Variants in NTN1 observed in about 807,000 individuals in gnomAD.
NTN1 encodes netrin 1.
Under a neutral mutation model 54.2 loss-of-function variants are expected in NTN1, and 11 were observed. That is an observed-to-expected ratio of 0.20 (90% CI 0.13 to 0.34). NTN1 has a LOEUF of 0.34. Ranked by LOEUF, NTN1 falls within the 10% of genes least tolerant of loss-of-function variation. The pLI is 1.00. For synonymous variants in NTN1, 371 were observed against 382.0 expected (o/e 0.97, Z 0.33); for missense variants, 740 against 893.1 (o/e 0.83, Z 2.18).
intron 6 of NTN1, among the ~76,000 whole-genome samples, chr17:9,236,127 G>C (rs1054268007): frequency 1.9e-5 from 2 of 103,696 alleles, no homozygotes; most frequent in African/African-American, 5.7e-5. Context: ...AAGAATTTGG[G>C]GGGGGGGGTA....
At chr17:9,024,666 G>A (rs997595231) in intron 2 of NTN1, among the ~76,000 whole-genome samples, 1 of 152,218 alleles carries the variant, frequency 6.6e-6, no homozygotes, top group Non-Finnish European at 1.5e-5. Context: ...TGTCTTGGAG[G>A]GCCGGATCGC....
At chr17:9,190,085 T>TCAGCATGG (rs2142326656) in intron 5 of NTN1, among the ~76,000 whole-genome samples, 1 of 152,316 alleles carries the variant, frequency 6.6e-6, no homozygotes, top group African/African-American at 2.4e-5. Context: ...CGTACAAAGG[T>TCAGCATGG]CAGCATGGCC....
chr17:9,079,598 G>A (rs2092063429), intron 2 of NTN1, among the ~76,000 whole-genome samples: 1 of 152,090 alleles, frequency 6.6e-6, no homozygotes, highest in African/African-American at 2.4e-5. Flanking sequence ...AGCCCAGTGG[G>A]TCTAGTTCCT....
At chr17:9,033,702 G>A (rs1375812743) in intron 2 of NTN1, among the ~76,000 whole-genome samples, 6 of 152,232 alleles carry the variant, frequency 3.9e-5, no homozygotes, top group African/African-American at 1.4e-4. Flanking sequence ...CGGATCACCT[G>A]AGGTTGGGAG....
chr17:9,191,865 T>TAAAAAAAA (rs60675960), intron 5 of NTN1, among the ~76,000 whole-genome samples: 1 of 89,186 alleles, frequency 1.1e-5, no homozygotes, highest in African/African-American at 4.8e-5. Context: ...TTATCGCTAC[T>TAAAAAAAA]AAAAAAAAAA....
At chr17:9,122,188 C>G (rs923661695) in intron 2 of NTN1, among the ~76,000 whole-genome samples, 10 of 152,164 alleles carry the variant, frequency 6.6e-5, no homozygotes, top group Middle Eastern at 3.2e-3. Flanking sequence ...CAGGTGCCCG[C>G]CACCACACCC....
chr17:9,039,291 T>C (rs560480091), intron 2 of NTN1, among the ~76,000 whole-genome samples: 2 of 152,338 alleles, frequency 1.3e-5, no homozygotes, highest in Admixed American at 1.3e-4. Context: ...CAAATGCCAT[T>C]AGTAATTTGA....
rs2092060948 is a variant in NTN1, at chr17:9,079,019, C to T, written c.1018+55628C>T. ...CCCATGGCTTCTACAATCCTAATGGCTCCTCAGCCTCTCCCTCTACTCCAC... is the reference window on the plus strand; with the variant it reads ...CCCATGGCTTCTACAATCCTAATGGTTCCTCAGCCTCTCCCTCTACTCCAC... On this transcript the variant is annotated intron_variant, in intron 2 of 6. Coordinates refer to ENST00000173229, the MANE Select transcript of NTN1 (RefSeq NM_004822.3). 3.3e-5 allele frequency among the ~76,000 whole-genome samples: 5 copies of T among 152,344 alleles called. No homozygotes were observed. The South Asian group carries it at 1.0e-3, about 32-fold the overall frequency.
intron 2 of NTN1, among the ~76,000 whole-genome samples, chr17:9,044,076 C>T (rs1328524080): frequency 2.0e-5 from 3 of 152,024 alleles, no homozygotes; most frequent in Non-Finnish European, 4.4e-5. Context: ...TTGATTTGTG[C>T]TGCTCTCATT....
rs1905141973 is a variant in NTN1 at position 9,212,885 on chromosome 17, G to T, written c.1412-8283G>T. On this transcript the variant is annotated intron_variant, in intron 5 of 6. Transcript: ENST00000173229. This position sits in a 1 kb window ranked among gnomAD's most constrained non-coding sequence, Gnocchi z 5.5. ...GGGAGGTGCCAGATGCGGTGCCCCT[G>T]GCTTCAACCGTGGCCGCCGGGCTCT... Among the ~76,000 whole-genome samples, 1 of 152,202 alleles carries T rather than the reference G, an allele frequency of 6.6e-6. No homozygotes were observed. The highest frequency in any genetic ancestry group is 2.1e-4 in the South Asian group (1 of 4,830).
intron 2 of NTN1, among the ~76,000 whole-genome samples, chr17:9,106,463 T>TCCTC (rs1329994855): frequency 2.7e-4 from 28 of 103,444 alleles, no homozygotes; most frequent in African/African-American, 6.9e-4. Flanking sequence ...CTTCCTTCCT[T>TCCTC]CCTCCCTTCC....
At chr17:9,131,571 T>C (rs1277618529) in intron 2 of NTN1, among the ~76,000 whole-genome samples, 3 of 150,940 alleles carry the variant, frequency 2.0e-5, no homozygotes, top group Admixed American at 6.6e-5. Flanking sequence ...GCCATGGTAT[T>C]CCCTTGATGC....
chr17:9,100,000 A>G (rs1016881876), intron 2 of NTN1, among the ~76,000 whole-genome samples: 4 of 152,096 alleles, frequency 2.6e-5, no homozygotes, highest in African/African-American at 7.2e-5. Flanking sequence ...TTAAATAGAG[A>G]CAAGGTCTCA....
intron 2 of NTN1, among the ~76,000 whole-genome samples, chr17:9,118,819 T>C (rs1225270485): frequency 6.6e-6 from 1 of 152,250 alleles, no homozygotes; most frequent in Non-Finnish European, 1.5e-5. Flanking sequence ...GGTTGTAGCA[T>C]GTATCAGTAC....
At chr17:9,166,934 A>T (rs2092375094) in intron 3 of NTN1, among the ~76,000 whole-genome samples, 1 of 152,200 alleles carries the variant, frequency 6.6e-6, no homozygotes, top group East Asian at 1.9e-4. Flanking sequence ...AGCCTGGAGT[A>T]AGGGCATCAG....
chr17:9,039,055 T>C (rs2091913119), intron 2 of NTN1, among the ~76,000 whole-genome samples: 1 of 152,262 alleles, frequency 6.6e-6, no homozygotes, highest in African/African-American at 2.4e-5. Context: ...TATTAAATGC[T>C]TAAGTATTAT....
intron 2 of NTN1, among the ~76,000 whole-genome samples, chr17:9,052,946 G>A (rs1034441920): frequency 5.3e-5 from 8 of 152,204 alleles, no homozygotes; most frequent in African/African-American, 1.9e-4. Context: ...TTCTGAAATA[G>A]CATTGGTTTC....
chr17:9,005,614 G>A, the NTN1 span, among the ~76,000 whole-genome samples: 1 of 152,178 alleles, frequency 6.6e-6, no homozygotes. Context: ...TACCTAGCAG[G>A]CCCTTCTCTC....
rs1270175681 is a variant in NTN1 at position 9,202,984 on chromosome 17, C to T, written c.1412-18184C>T. On this transcript the variant is annotated intron_variant, in intron 5 of 6. Transcript: ENST00000173229. ...TCGGCCAGGCTAGAGTGCAGTGGCG[C>T]GATCTCCGCTCACTGCAAGCTCCGC... Among the ~76,000 whole-genome samples the T allele has an allele frequency of 2.6e-5, 4 of 152,208 alleles. 1 individual carries two copies. Among genetic ancestry groups the T allele is most frequent in the South Asian group, 2.1e-4 (1 of 4,814 alleles).
Sources: gnomAD v4.1 joint callset for allele counts (sites outside exome capture counted in the v4.1 genomes callset) on GRCh38, gnomAD v4.1.1 for gene constraint, Gnocchi (gnomAD v3.1) non-coding constraint, MANE v1.5 for transcripts, NCBI Gene and HGNC (gene_info 2026-07-23, HGNC 2026-07-21) for gene names.